Variants in INTS4 observed in about 807,000 individuals in gnomAD.
The protein encoded by INTS4 is MSTP093.
A neutral mutation model predicts 119.5 loss-of-function variants in INTS4; 70 were observed. The ratio of observed to expected loss-of-function variants is 0.59; its 90% CI spans 0.48 to 0.71. The LOEUF is 0.71. INTS4 is among the 30% of genes least tolerant of loss of function. The pLI, the probability that INTS4 is intolerant of heterozygous loss-of-function variation, is 0.00. For missense variants in INTS4, 867 were observed against 1,173.2 expected (o/e 0.74, Z 3.81); for synonymous variants, 316 against 419.6 (o/e 0.75, Z 3.02).
At chr11:77,972,859 G>A (rs1855787540) in intron 4 of INTS4, among the ~76,000 whole-genome samples, 1 of 148,232 alleles carries the variant, frequency 6.7e-6, no homozygotes, top group Non-Finnish European at 1.5e-5. Flanking sequence ...TACAGATAGG[G>A]TCTCATTCTG....
At chr11:77,978,518 C>T (rs1856048287) in intron 4 of INTS4, 1 of 152,270 alleles carries the variant, frequency 6.6e-6, no homozygotes. Context: ...ACGTACAAAA[C>T]TTTTCCCATA....
At chr11:77,896,745 C>G (rs1426113006) in intron 18 of INTS4, among the ~76,000 whole-genome samples, 1 of 146,054 alleles carries the variant, frequency 6.8e-6, no homozygotes, top group African/African-American at 2.5e-5. Context: ...AAAATAGATC[C>G]AGAAAATCCA....
At chr11:77,969,627 G>T (rs1855634709) in intron 4 of INTS4, among the ~76,000 whole-genome samples, 1 of 152,020 alleles carries the variant, frequency 6.6e-6, no homozygotes, top group African/African-American at 2.4e-5. Flanking sequence ...TCCCACCTTG[G>T]CCTCCCAAAG....
chr11:77,937,067 CG>C (rs1434483344), intron 10 of INTS4, among the ~76,000 whole-genome samples: 3 of 151,802 alleles, frequency 2.0e-5, no homozygotes, highest in African/African-American at 7.3e-5. Context: ...CCCAGCTACT[CG>C]GGAAGCTGAA....
At chr11:77,894,733 T>G (rs546653680) in intron 18 of INTS4, among the ~76,000 whole-genome samples, 2 of 152,340 alleles carry the variant, frequency 1.3e-5, no homozygotes, top group East Asian at 3.9e-4. Flanking sequence ...CTACCTGATT[T>G]AGATCTCATC....
chr11:77,929,896 CAGTA>C (rs1337421854), intron 10 of INTS4, among the ~76,000 whole-genome samples: 1 of 152,056 alleles, frequency 6.6e-6, no homozygotes, highest in Non-Finnish European at 1.5e-5. Context: ...TTTAAGGGCT[CAGTA>C]AGTATCACCT....
chr11:77,961,101 C>T lies in INTS4; in HGVS notation c.509G>A (p.Cys170Tyr). 1.3e-6 allele frequency: 2 copies of T among 1,592,670 alleles called. No homozygotes were observed. Among genetic ancestry groups the T allele is most frequent in the Non-Finnish European group, 1.7e-6 (2 of 1,173,660 alleles). ...TDTSHGVRNK[C>Y]LQLLGNLGSL... ...GCCAAGATTGCCAAGTAACTGCAGGCACTTATTTCTTACACCATGAGACGT... is the reference window on the plus strand; with the variant it reads ...GCCAAGATTGCCAAGTAACTGCAGGTACTTATTTCTTACACCATGAGACGT... Residue 170 changes from cysteine to tyrosine, a missense_variant, in exon 5 of 23, where the codon TGC becomes TAC. Cys to Tyr is a radical substitution (Grantham distance 194). Coordinates refer to ENST00000534064, the MANE Select transcript of INTS4 (RefSeq NM_033547.4).
intron 8 of INTS4, among the ~76,000 whole-genome samples, chr11:77,943,234 C>T (rs1237986178): frequency 6.6e-6 from 1 of 152,134 alleles, no homozygotes; most frequent in Non-Finnish European, 1.5e-5. Flanking sequence ...CAAATTTGTG[C>T]CCCAAAAAAT....
At chr11:77,991,951 A>C (rs573824409) in intron 1 of INTS4, among the ~76,000 whole-genome samples, 1 of 151,872 alleles carries the variant, frequency 6.6e-6, no homozygotes, top group Admixed American at 6.6e-5. Context: ...CTGACTCCCA[A>C]CTAGCTGGAA....
intron 8 of INTS4, among the ~76,000 whole-genome samples, chr11:77,955,712 T>C (rs1487980812): frequency 1.3e-5 from 2 of 152,150 alleles, no homozygotes; most frequent in East Asian, 3.9e-4. Context: ...GCCAGGATGG[T>C]CTCAATCTCC....
intron 4 of INTS4, 66 bp from the exon 5 acceptor site, chr11:77,961,204 A>G: frequency 6.9e-7 from 1 of 1,446,352 alleles, no homozygotes; most frequent in Non-Finnish European, 9.1e-7. Flanking sequence ...AGATATCTTA[A>G]CAAACACAGA....
chr11:77,886,097 T>C (rs553046465), intron 21 of INTS4, among the ~76,000 whole-genome samples: 1 of 151,566 alleles, frequency 6.6e-6, no homozygotes, highest in Non-Finnish European at 1.5e-5. Context: ...TTCCAGCTAC[T>C]CAGGAGGCTG....
At position 77,894,396 on chromosome 11, in the gene INTS4, T is replaced by C. The variant is rs1386991684; in HGVS notation, c.2229-47A>G. On this transcript the variant is annotated intron_variant, in intron 18 of 22. Transcript: ENST00000534064. ...TAATTTGCTTGTGAAATCTGCAAAC[T>C]GAGGAGGACCAAAAGTCCCAGAAAC... 5 of 1,036,698 alleles carry C rather than the reference T, an allele frequency of 4.8e-6. No homozygotes were observed. The African/African-American group carries it at 8.1e-5, about 17-fold the overall frequency. The allele number at this position is 1,036,698 out of a possible 1,614,324, so 64.2% of individuals were successfully genotyped here.
At chr11:77,954,704 G>C (rs1025491425) in intron 8 of INTS4, among the ~76,000 whole-genome samples, 1 of 152,150 alleles carries the variant, frequency 6.6e-6, no homozygotes, top group African/African-American at 2.4e-5. Flanking sequence ...GTTCACAATA[G>C]GGTTCACACT....
chr11:77,884,850 G>A, intron 21 of INTS4: 2 of 370,458 alleles, frequency 5.4e-6, no homozygotes, highest in South Asian at 4.1e-5. Context: ...AAACTCCTGG[G>A]CGCAAGTGAT....
At chr11:77,877,813 G>GCTCAAGAAATCCTCCTGC (rs969910362), downstream of INTS4, among the ~76,000 whole-genome samples, 9 of 151,944 alleles carry the variant, frequency 5.9e-5, no homozygotes, top group Middle Eastern at 6.8e-3. Context: ...GAACTCCTGG[G>GCTCAAGAAATCCTCCTGC]CTCAAGAAAT....
At chr11:77,939,582 T>G (rs796185296) in intron 9 of INTS4, among the ~76,000 whole-genome samples, 4 of 152,356 alleles carry the variant, frequency 2.6e-5, no homozygotes, top group African/African-American at 9.6e-5. Context: ...AATATACTGG[T>G]TAGTGTATCC....
chr11:77,977,952 C>G (rs940860869), intron 4 of INTS4: 13 of 151,758 alleles, frequency 8.6e-5, no homozygotes, highest in African/African-American at 3.1e-4. Context: ...TGCAGTGGCT[C>G]AATCTCCACT....
Position 77,979,111 on chromosome 11 carries a change from G to A in INTS4, c.365-9C>T. The A allele has an allele frequency of 6.4e-7, 1 of 1,560,606 alleles. No homozygotes were observed. Reference sequence around the variant, plus strand: ...TAGGACTTGATGAGACTCTAGAGAGGGAGATAGAAAGTTGGCTTGTAGAAT... The same window carrying A: ...TAGGACTTGATGAGACTCTAGAGAGAGAGATAGAAAGTTGGCTTGTAGAAT... On this transcript the variant is annotated splice_polypyrimidine_tract_variant and intron_variant, in intron 3 of 22. Transcript: ENST00000534064.
Sources: allele counts gnomAD v4.1 joint callset (sites outside exome capture counted in the v4.1 genomes callset), GRCh38; gene constraint gnomAD v4.1.1; transcripts MANE v1.5; gene names NCBI Gene and HGNC (gene_info 2026-07-23, HGNC 2026-07-21).